ENAH: variants seen among roughly 807,000 people sequenced by gnomAD.
ENAH encodes ENAH actin regulator.
ENAH carries 23 observed loss-of-function variants against 78.7 expected under a neutral mutation model. The observed-to-expected ratio is 0.29, with a 90% confidence interval of 0.21 to 0.41. ENAH has a LOEUF of 0.41. Ranked by LOEUF, ENAH falls within the 10% of genes least tolerant of loss-of-function variation. The pLI is 1.00. For synonymous variants in ENAH, 226 were observed against 241.0 expected (o/e 0.94, Z 0.58); for missense variants, 544 against 691.0 (o/e 0.79, Z 2.39).
chr1:225,563,074 A>T (rs1459740399), intron 2 of ENAH, among the ~76,000 whole-genome samples: 6 of 152,114 alleles, frequency 3.9e-5, no homozygotes, highest in Non-Finnish European at 7.4e-5. Context: ...TTATATTAAT[A>T]AAATTATATT....
intron 1 of ENAH, among the ~76,000 whole-genome samples, chr1:225,578,128 T>G (rs1234232674): frequency 6.6e-6 from 1 of 152,080 alleles, no homozygotes; most frequent in South Asian, 2.1e-4. Context: ...ACAGAGAAAC[T>G]TGTAAAACTT....
chr1:225,553,000 G>A (rs1004331056), intron 3 of ENAH, among the ~76,000 whole-genome samples: 14 of 152,166 alleles, frequency 9.2e-5, no homozygotes, highest in South Asian at 4.1e-4. Context: ...TTGGGAGGCC[G>A]AGGTGGGCAG....
chr1:225,619,378 A>G (rs1656389392), intron 1 of ENAH, among the ~76,000 whole-genome samples: 1 of 152,136 alleles, frequency 6.6e-6, no homozygotes, highest in African/African-American at 2.4e-5. Flanking sequence ...CCCTGTTTCT[A>G]CTAAAAAATA....
intron 1 of ENAH, among the ~76,000 whole-genome samples, chr1:225,623,970 T>C (rs1056475280): frequency 6.6e-6 from 1 of 152,188 alleles, no homozygotes; most frequent in Non-Finnish European, 1.5e-5. Flanking sequence ...CATCTTTGTG[T>C]CTGTGTGTAA....
At position 225,519,475 on chromosome 1, in the gene ENAH, CCT is replaced by C; in HGVS notation, c.523_524del (p.Arg175ValfsTer99). On this transcript the variant is annotated frameshift_variant, in exon 5 of 14. Coordinates refer to ENST00000366843, the MANE Select transcript of ENAH (RefSeq NM_018212.6). LOFTEE classifies it high-confidence loss of function. ...CCCTCTCCAGCCTTTCCCTTTCTAA[CCT>C]CTCTCTCTCCAACCTTTCTCTTTCC... ...RMERERLERE[R>X]LERERLERER... 6.2e-7 allele frequency: 1 copy of C among 1,610,752 alleles called. No homozygotes were observed.
At chr1:225,513,861 G>A (rs1029692377) in intron 7 of ENAH, among the ~76,000 whole-genome samples, 1 of 151,982 alleles carries the variant, frequency 6.6e-6, no homozygotes, top group Non-Finnish European at 1.5e-5. Flanking sequence ...GCATGGTGGT[G>A]GGTGCCTGTA....
intron 1 of ENAH, among the ~76,000 whole-genome samples, chr1:225,611,008 T>C (rs1331644237): frequency 6.6e-6 from 1 of 152,170 alleles, no homozygotes; most frequent in Non-Finnish European, 1.5e-5. Flanking sequence ...TGTGATTCTA[T>C]TCACATGAGT....
In ENAH at chr1:225,496,860, G is replaced by C. The variant is rs191886070; in HGVS notation, c.*915C>G. 6.6e-6 allele frequency: 1 copy of C among 152,390 alleles called. No individual in the cohort carries two copies. The highest frequency in any genetic ancestry group is 6.5e-5 in the Admixed American group (1 of 15,276). The allele number at this position is 152,390 out of a possible 1,614,324, so 9.4% of individuals were successfully genotyped here. On this transcript the variant is annotated 3_prime_UTR_variant, in exon 14 of 14. Coordinates refer to ENST00000366843, the MANE Select transcript of ENAH (RefSeq NM_018212.6). Reference sequence around the variant, plus strand: ...TTCCCTGGGACTAGGCCTTGAAAAGGCCACTACATATTAGTGTGACATGCA... The same window carrying C: ...TTCCCTGGGACTAGGCCTTGAAAAGCCCACTACATATTAGTGTGACATGCA...
At chr1:225,629,568 C>T (rs556076642) in intron 1 of ENAH, among the ~76,000 whole-genome samples, 1 of 145,114 alleles carries the variant, frequency 6.9e-6, no homozygotes, top group African/African-American at 2.6e-5. Flanking sequence ...GCCTGGGCAA[C>T]AGAGTGAGAC....
At chr1:225,530,960 A>G (rs2096534788) in intron 3 of ENAH, 1 of 404,940 alleles carries the variant, frequency 2.5e-6, no homozygotes, top group Non-Finnish European at 4.4e-6. Flanking sequence ...GACAGTTTCT[A>G]AGACAATGAG....
At chr1:225,499,677 C>CA (rs550853046) in intron 12 of ENAH, among the ~76,000 whole-genome samples, 5 of 152,014 alleles carry the variant, frequency 3.3e-5, no homozygotes, top group South Asian at 2.1e-4. Flanking sequence ...GTCTCAAAAA[C>CA]AAAAAACAAA....
rs753259587 is a variant in ENAH at position 225,519,478 on chromosome 1, C to A, written c.522G>T (p.Glu174Asp). 6.2e-7 allele frequency: 1 copy of A among 1,610,788 alleles called. No homozygotes were observed. Among genetic ancestry groups the A allele is most frequent in the Admixed American group, 1.7e-5 (1 of 59,224 alleles). ...ERMERERLER[E>D]RLERERLERE... ...TCTCCAGCCTTTCCCTTTCTAACCT[C>A]TCTCTCTCCAACCTTTCTCTTTCCA... The change falls in exon 5 of 14, where the codon GAG becomes GAT. Residue 174 changes from glutamate to aspartate, a missense_variant. Glu to Asp is a conservative substitution (Grantham distance 45). This residue lies in a region of ENAH where 366 missense variants were observed against 396.1 expected (regional missense o/e 0.92). Coordinates refer to ENST00000366843, the MANE Select transcript of ENAH (RefSeq NM_018212.6).
At position 225,487,578 on chromosome 1, in the gene ENAH, G is replaced by A. The variant is rs1297415052; in HGVS notation, c.*10197C>T. ...ATGAGGTTCTGTATGCATAGTAAAT[G>A]ATTTCTAGTTACAATTAAAATACAG... On this transcript the variant is annotated 3_prime_UTR_variant, in exon 14 of 14. Coordinates refer to ENST00000366843, the MANE Select transcript of ENAH (RefSeq NM_018212.6). 1 of 152,212 alleles carries A rather than the reference G, an allele frequency of 6.6e-6. No homozygotes were observed. The highest frequency in any genetic ancestry group is 1.5e-5 in the Non-Finnish European group (1 of 68,036). 9.4% of individuals were successfully genotyped at this position (152,212 alleles called of 1,614,324 possible). A position where few individuals can be genotyped will look rare whatever the true frequency, so the allele number is the denominator to read the frequency against.
At chr1:225,504,381 T>C (rs1002209893) in intron 11 of ENAH, among the ~76,000 whole-genome samples, 1 of 152,180 alleles carries the variant, frequency 6.6e-6, no homozygotes, top group Non-Finnish European at 1.5e-5. Flanking sequence ...ACTACTATAT[T>C]TAAGTCCCTA....
At chr1:225,621,342 G>C (rs1228936610) in intron 1 of ENAH, among the ~76,000 whole-genome samples, 2 of 149,820 alleles carry the variant, frequency 1.3e-5, no homozygotes, top group Non-Finnish European at 3.0e-5. Flanking sequence ...GCCCAGGCTG[G>C]AGTGCAGTGG....
intron 1 of ENAH, among the ~76,000 whole-genome samples, chr1:225,585,215 CAAAAAAAAAAAAAAAAAAAA>C (rs58586397): frequency 2.0e-5 from 1 of 49,930 alleles, no homozygotes; most frequent in Admixed American, 3.8e-4. Flanking sequence ...TACCCTGTCT[CAAAAAAAAAAAAAAAAAAAA>C]AAAAAAAAAA....
Position 225,567,333 on chromosome 1 carries a change from T to G in ENAH, c.87A>C (p.Ser29=), listed in dbSNP as rs2096739871. 2 of 1,614,052 alleles carry G rather than the reference T, an allele frequency of 1.2e-6. No homozygotes were observed. Among genetic ancestry groups the G allele is most frequent in the Non-Finnish European group, 1.7e-6 (2 of 1,180,018 alleles). Reference sequence around the variant, plus strand: ...AGATATGAACTCTGCTGAATCCAGTTGAGCCACCAGCTGGCACCCACTTCT... The same window carrying G: ...AGATATGAACTCTGCTGAATCCAGTGGAGCCACCAGCTGGCACCCACTTCT... ...ANKKWVPAGG[S]TGFSRVHIYH... The change falls in exon 2 of 14, where the codon TCA becomes TCC. Residue 29 remains serine, a synonymous_variant. Coordinates refer to ENST00000366843, the MANE Select transcript of ENAH (RefSeq NM_018212.6).
At chr1:225,633,185 G>A (rs1223675017) in intron 1 of ENAH, among the ~76,000 whole-genome samples, 2 of 151,864 alleles carry the variant, frequency 1.3e-5, no homozygotes, top group Non-Finnish European at 2.9e-5. Context: ...TGGAACTACA[G>A]GCACCTGCCA....
chr1:225,587,926 T>C (rs2096855443), intron 1 of ENAH, among the ~76,000 whole-genome samples: 1 of 152,036 alleles, frequency 6.6e-6, no homozygotes, highest in African/African-American at 2.4e-5. Flanking sequence ...CAACTGGATA[T>C]GCATGCAGAA....
Sources: allele counts gnomAD v4.1 joint callset (sites outside exome capture counted in the v4.1 genomes callset), GRCh38; gene constraint gnomAD v4.1.1; regional missense constraint gnomAD v4.1.1; transcripts MANE v1.5; gene names NCBI Gene and HGNC (gene_info 2026-07-23, HGNC 2026-07-21).